The following CSMD1 variants were observed in gnomAD, a reference collection of about 807,000 sequenced individuals.
The protein encoded by CSMD1 is CUB and Sushi multiple domains 1.
In CSMD1, 213 loss-of-function variants were observed where a neutral mutation model predicts 417.5. The ratio of observed to expected loss-of-function variants is 0.51; its 90% CI spans 0.46 to 0.57. CSMD1 has a LOEUF of 0.57. CSMD1 is among the 20% of genes least tolerant of loss of function. The probability of loss-of-function intolerance (pLI) is 0.00; values close to 1 mark genes in which losing one functional copy is unlikely to be tolerated. For missense variants in CSMD1, 6,923 were observed against 4,529.7 expected, an observed-to-expected ratio of 1.53 and a Z score of -15.17; for synonymous variants, 2,862 against 1,736.8, an observed-to-expected ratio of 1.65 and a Z score of -16.11.
chr8:3,857,769 G>C (rs1008696604), intron 5 of CSMD1, among the ~76,000 whole-genome samples: 2 of 152,154 alleles, frequency 1.3e-5, no homozygotes, highest in Non-Finnish European at 2.9e-5. Context: ...AAAATGTGAA[G>C]AGAGATGCAA....
rs535213912 is a variant in CSMD1 at position 4,925,843 on chromosome 8, G to C, written c.85+68489C>G. On this transcript the variant is annotated intron_variant, in intron 1 of 69. Coordinates refer to ENST00000635120, the MANE Select transcript of CSMD1 (RefSeq NM_033225.6). ...ATTACAGGCGTGAGCCCTCGCGCCT[G>C]GCCTCTATCTGGCATTTTGTAATTG... Among the ~76,000 whole-genome samples the C allele has an allele frequency of 2.6e-5, 4 of 152,242 alleles. No homozygotes were observed. The East Asian group carries it at 7.7e-4, about 29-fold the overall frequency.
intron 3 of CSMD1, among the ~76,000 whole-genome samples, chr8:4,265,119 C>T (rs1335044529): frequency 6.6e-6 from 1 of 152,146 alleles, no homozygotes; most frequent in East Asian, 1.9e-4. Flanking sequence ...AGTTGAAAAA[C>T]TGTCCTCTAA....
At chr8:4,141,299 C>T (rs1294387721) in intron 3 of CSMD1, among the ~76,000 whole-genome samples, 2 of 151,052 alleles carry the variant, frequency 1.3e-5, no homozygotes, top group Non-Finnish European at 2.9e-5. Flanking sequence ...ATCCGTAATT[C>T]CCAAGATGGA....
chr8:3,950,062 G>C (rs1177771605), intron 5 of CSMD1: 8 of 447,380 alleles, frequency 1.8e-5, no homozygotes, highest in African/African-American at 2.0e-5. Context: ...ACAGGACTGA[G>C]TTGCCAGAAA....
At chr8:4,256,694 G>C (rs1803478115) in intron 3 of CSMD1, among the ~76,000 whole-genome samples, 1 of 150,868 alleles carries the variant, frequency 6.6e-6, no homozygotes, top group Non-Finnish European at 1.5e-5. Context: ...CAGCAGATGG[G>C]CCGGGCGTGG....
At chr8:3,573,634 G>T (rs1398439872) in intron 10 of CSMD1, among the ~76,000 whole-genome samples, 1 of 152,086 alleles carries the variant, frequency 6.6e-6, no homozygotes, top group East Asian at 1.9e-4. Context: ...ACACTTTACG[G>T]AATCTAAAAT....
chr8:4,729,314 A>G (rs1809695665), intron 1 of CSMD1, among the ~76,000 whole-genome samples: 1 of 152,164 alleles, frequency 6.6e-6, no homozygotes, highest in Non-Finnish European at 1.5e-5. Context: ...GATCCACACA[A>G]AGGTGTTTTG....
intron 52 of CSMD1, 100 bp from the exon 53 acceptor site, chr8:3,000,231 C>T (rs183144808): frequency 0.012 from 7,452 of 646,240 alleles, 57 homozygotes; most frequent in Non-Finnish European, 0.015. Flanking sequence ...GTATTGAAGG[C>T]GCAACATATT....
chr8:3,841,267 G>C (rs1023604434), intron 5 of CSMD1, among the ~76,000 whole-genome samples: 2 of 152,134 alleles, frequency 1.3e-5, no homozygotes, highest in Non-Finnish European at 1.5e-5. Flanking sequence ...TCATGAGCTT[G>C]ATTTTGAACT....
Position 4,003,121 on chromosome 8 carries a change from C to T in CSMD1, c.611-5011G>A, listed in dbSNP as rs752829335. On this transcript the variant is annotated intron_variant, in intron 4 of 69. Coordinates refer to ENST00000635120, the MANE Select transcript of CSMD1 (RefSeq NM_033225.6). ...TAAGAAACAAGATACAGGCTTGGCG[C>T]GGTGGCTGATGCCTGTAGTCCCAAC... 1.3e-4 allele frequency among the ~76,000 whole-genome samples: 20 copies of T among 152,114 alleles called. 1 individual carries two copies. The highest frequency in any genetic ancestry group is 2.2e-4 in the African/African-American group (9 of 41,430).
At chr8:3,836,838 G>C (rs1284640796) in intron 5 of CSMD1, among the ~76,000 whole-genome samples, 1 of 151,896 alleles carries the variant, frequency 6.6e-6, no homozygotes, top group Non-Finnish European at 1.5e-5. Context: ...AATTAAATAT[G>C]TTAATATTTA....
intron 3 of CSMD1, among the ~76,000 whole-genome samples, chr8:4,177,082 A>G (rs994475954): frequency 6.6e-6 from 1 of 152,202 alleles, no homozygotes; most frequent in Non-Finnish European, 1.5e-5. Context: ...AAGCGGACCT[A>G]ATAGACATCT....
intron 10 of CSMD1, among the ~76,000 whole-genome samples, chr8:3,539,212 G>C (rs141949699): frequency 2.6e-5 from 4 of 152,168 alleles, no homozygotes; most frequent in East Asian, 1.9e-4. Context: ...AAGGATGTTC[G>C]CAAGGCTGCC....
At chr8:3,949,912 G>C (rs911033660) in intron 5 of CSMD1, 5 of 455,834 alleles carry the variant, frequency 1.1e-5, no homozygotes, top group Admixed American at 2.4e-5. Context: ...GGAAGCTCCA[G>C]GTGTTGAGGC....
intron 2 of CSMD1, among the ~76,000 whole-genome samples, chr8:4,469,611 T>G (rs951299371): frequency 1.3e-5 from 2 of 152,152 alleles, no homozygotes; most frequent in Non-Finnish European, 2.9e-5. Flanking sequence ...CTCTGTGTAT[T>G]CCTGACATCC....
chr8:4,071,004 T>C (rs1254341790), intron 3 of CSMD1, among the ~76,000 whole-genome samples: 1 of 152,194 alleles, frequency 6.6e-6, no homozygotes, highest in East Asian at 1.9e-4. Flanking sequence ...GCGTCCATTT[T>C]CTGTGGCTGC....
At chr8:3,442,023 G>C (rs1440104064) in intron 12 of CSMD1, among the ~76,000 whole-genome samples, 1 of 151,230 alleles carries the variant, frequency 6.6e-6, no homozygotes, top group Non-Finnish European at 1.5e-5. Context: ...TGTTTTGTGT[G>C]TTTGTGTATT....
rs576394918 is a variant in CSMD1, at chr8:3,058,040, G to C, written c.7475-5393C>G. On this transcript the variant is annotated intron_variant, in intron 49 of 69. Transcript: ENST00000635120. ...CACTTTCTTGCCTTAGTTTTCTCTG[G>C]GTTCTTCCGTTCTACCCCAAATATT... Among the ~76,000 whole-genome samples, 10 of 152,130 alleles carry C rather than the reference G, an allele frequency of 6.6e-5. No homozygotes were observed. The East Asian group carries it at 1.7e-3, about 26-fold the overall frequency.
At chr8:4,117,402 C>G (rs999935792) in intron 3 of CSMD1, among the ~76,000 whole-genome samples, 1 of 151,188 alleles carries the variant, frequency 6.6e-6, no homozygotes, top group Non-Finnish European at 1.5e-5. Flanking sequence ...CAAGCTGAAC[C>G]TCTGCCTGCC....
Sources: gnomAD v4.1 joint callset for allele counts (sites outside exome capture counted in the v4.1 genomes callset) on GRCh38, gnomAD v4.1.1 for gene constraint, MANE v1.5 for transcripts, NCBI Gene and HGNC (gene_info 2026-07-23, HGNC 2026-07-21) for gene names.